Variants in NKAIN2 observed in about 807,000 individuals in gnomAD.
The protein encoded by NKAIN2 is sodium/potassium-transporting ATPase subunit beta-1-interacting protein 2.
In NKAIN2, 14 loss-of-function variants were observed where a neutral mutation model predicts 32.6. That is an observed-to-expected ratio of 0.43 (90% confidence interval 0.28 to 0.67). NKAIN2 has a LOEUF of 0.67. Among genes scored for constraint, NKAIN2 ranks in the 30% least tolerant of loss-of-function variants. The probability of loss-of-function intolerance (pLI) is 0.17; values close to 1 mark genes in which losing one functional copy is unlikely to be tolerated. For missense variants in NKAIN2, 198 were observed against 258.3 expected (o/e 0.77, Z 1.60); for synonymous variants, 80 against 87.2 (o/e 0.92, Z 0.46).
At chr6:124,115,872 C>T (rs1365505164) in intron 1 of NKAIN2, among the ~76,000 whole-genome samples, 4 of 152,030 alleles carry the variant, frequency 2.6e-5, no homozygotes, top group Non-Finnish European at 5.9e-5. Context: ...CAATTAAAAA[C>T]TGTAGCTCCT....
At chr6:124,611,871 C>T (rs1562283518) in intron 3 of NKAIN2, among the ~76,000 whole-genome samples, 1 of 152,112 alleles carries the variant, frequency 6.6e-6, no homozygotes, top group Non-Finnish European at 1.5e-5. Context: ...AGGACTCAAG[C>T]TGGGGAGAAT....
intron 3 of NKAIN2, among the ~76,000 whole-genome samples, chr6:124,632,459 G>A: frequency 6.6e-6 from 1 of 152,092 alleles, no homozygotes; most frequent in Admixed American, 6.6e-5. Context: ...GCAACGAAAT[G>A]ATTGAATTGT....
At chr6:124,234,212 T>C (rs1792618745) in intron 1 of NKAIN2, among the ~76,000 whole-genome samples, 1 of 152,188 alleles carries the variant, frequency 6.6e-6, no homozygotes, top group Non-Finnish European at 1.5e-5. Context: ...ACATGACACT[T>C]CAATGCTACA....
At chr6:124,545,630 G>A (rs911034268) in intron 3 of NKAIN2, among the ~76,000 whole-genome samples, 2 of 151,116 alleles carry the variant, frequency 1.3e-5, no homozygotes, top group Admixed American at 1.3e-4. Flanking sequence ...AAGAATATAT[G>A]TCTAGGAATA....
chr6:124,595,248 T>C (rs927056619), intron 3 of NKAIN2, among the ~76,000 whole-genome samples: 1 of 152,200 alleles, frequency 6.6e-6, no homozygotes, highest in Non-Finnish European at 1.5e-5. Context: ...GCCTAGATGC[T>C]GATCTCTGCA....
In NKAIN2 at chr6:124,526,361, T is replaced by A. The variant is rs1259094351; in HGVS notation, c.274-131825T>A. Among the ~76,000 whole-genome samples the A allele has an allele frequency of 3.9e-5, 6 of 152,114 alleles. No individual in the cohort carries two copies. The East Asian group carries it at 1.2e-3, about 29-fold the overall frequency. On this transcript the variant is annotated intron_variant, in intron 3 of 6. Transcript: ENST00000368417. ...AAAAGCCTTCCACATAGCAACTACA[T>A]GGGTTAAATATATCTTACAGGTTAA...
At chr6:124,520,785 C>G (rs899744276) in intron 3 of NKAIN2, among the ~76,000 whole-genome samples, 1 of 152,040 alleles carries the variant, frequency 6.6e-6, no homozygotes, top group African/African-American at 2.4e-5. Flanking sequence ...ATATTTCAAC[C>G]CAGAGGAAAC....
chr6:124,124,415 G>A (rs537469819), intron 1 of NKAIN2, among the ~76,000 whole-genome samples: 10 of 152,206 alleles, frequency 6.6e-5, no homozygotes, highest in Non-Finnish European at 1.3e-4. Context: ...ATCATATAAA[G>A]TATCTAGAAT....
intron 1 of NKAIN2, among the ~76,000 whole-genome samples, chr6:123,989,033 T>C (rs990614638): frequency 4.6e-5 from 7 of 152,096 alleles, no homozygotes; most frequent in Non-Finnish European, 2.9e-5. Flanking sequence ...TTTAGGAGAA[T>C]TGAACACATA....
intron 3 of NKAIN2, among the ~76,000 whole-genome samples, chr6:124,564,701 G>C (rs1583447369): frequency 6.6e-6 from 1 of 152,210 alleles, no homozygotes; most frequent in African/African-American, 2.4e-5. Flanking sequence ...CCTGGACACA[G>C]AAGAACAGGC....
At chr6:124,278,900 T>A (rs1367117632) in intron 1 of NKAIN2, among the ~76,000 whole-genome samples, 1 of 151,740 alleles carries the variant, frequency 6.6e-6, no homozygotes, top group Non-Finnish European at 1.5e-5. Flanking sequence ...AATTAAAGAT[T>A]TATTAAAATG....
At chr6:123,836,826 C>A (rs1239371062) in intron 1 of NKAIN2, among the ~76,000 whole-genome samples, 2 of 152,018 alleles carry the variant, frequency 1.3e-5, no homozygotes, top group Non-Finnish European at 2.9e-5. Flanking sequence ...TCTTTGCAAC[C>A]TTTTTGTAAA....
chr6:124,003,556 C>G (rs1330432897), intron 1 of NKAIN2, among the ~76,000 whole-genome samples: 1 of 152,028 alleles, frequency 6.6e-6, no homozygotes, highest in Admixed American at 6.6e-5. Flanking sequence ...ACTGTTTTAC[C>G]AACTGGATGT....
chr6:123,958,942 T>A (rs372062597), intron 1 of NKAIN2, among the ~76,000 whole-genome samples: 80 of 152,338 alleles, frequency 5.3e-4, no homozygotes, highest in African/African-American at 1.8e-3. Flanking sequence ...TTGGCAATTA[T>A]AGGCCATTGG....
chr6:124,240,342 C>T (rs1398395941), intron 1 of NKAIN2, among the ~76,000 whole-genome samples: 2 of 152,142 alleles, frequency 1.3e-5, no homozygotes, highest in Admixed American at 6.6e-5. Flanking sequence ...ACCATTCCTT[C>T]TGAAACTATT....
At chr6:124,709,480 T>G (rs1258248667) in intron 4 of NKAIN2, among the ~76,000 whole-genome samples, 1 of 151,506 alleles carries the variant, frequency 6.6e-6, no homozygotes, top group Non-Finnish European at 1.5e-5. Flanking sequence ...GGACTCTTTA[T>G]GGTTGGTAAG....
chr6:123,852,710 C>T (rs1345899561), intron 1 of NKAIN2, among the ~76,000 whole-genome samples: 2 of 152,074 alleles, frequency 1.3e-5, no homozygotes, highest in Non-Finnish European at 2.9e-5. Context: ...CATAGATGAA[C>T]GTGGAGAACA....
chr6:123,838,494 A>G (rs1043136254), intron 1 of NKAIN2, among the ~76,000 whole-genome samples: 3 of 152,260 alleles, frequency 2.0e-5, no homozygotes, highest in East Asian at 1.9e-4. Flanking sequence ...AGTAGTTTTT[A>G]CTTGAGTTAT....
rs35802663 is a variant in NKAIN2, at chr6:124,638,887, C to CAAAAAAAA, written c.274-19284_274-19277dup. On this transcript the variant is annotated intron_variant, in intron 3 of 6. Transcript: ENST00000368417. ...GCCTGGGGGCAGAGTGAGACTCTGTCAAAAAAAAAAAAAAAAAAAAAAGAT... is the reference window on the plus strand; with the variant it reads ...GCCTGGGGGCAGAGTGAGACTCTGTCAAAAAAAAAAAAAAAAAAAAAAAAAAAAAAGAT... 5.2e-4 allele frequency among the ~76,000 whole-genome samples: 43 copies of CAAAAAAAA among 82,506 alleles called. 1 individual carries two copies. The highest frequency in any genetic ancestry group is 8.9e-4 in the African/African-American group (17 of 19,074). 54.1% of individuals were successfully genotyped at this position (82,506 alleles called of 152,430 possible).
Sources: gnomAD v4.1 joint callset for allele counts (sites outside exome capture counted in the v4.1 genomes callset) on GRCh38, gnomAD v4.1.1 for gene constraint, MANE v1.5 for transcripts, NCBI Gene and HGNC (gene_info 2026-07-23, HGNC 2026-07-21) for gene names.